POLD3: variants seen among roughly 807,000 people sequenced by gnomAD.
POLD3 encodes the protein DNA polymerase delta subunit 3.
POLD3 carries 19 observed loss-of-function variants against 58.2 expected under a neutral mutation model. The ratio of observed to expected loss-of-function variants is 0.33; its 90% CI spans 0.23 to 0.48. The LOEUF (loss-of-function observed/expected upper bound fraction) is 0.48, where lower values mean the gene tolerates loss of function less well. Ranked by LOEUF, POLD3 falls within the 20% of genes least tolerant of loss-of-function variation. POLD3 has a pLI of 0.99. For synonymous variants in POLD3, 172 were observed against 193.5 expected (o/e 0.89, Z 0.92); for missense variants, 504 against 545.5 (o/e 0.92, Z 0.76).
At chr11:74,638,038 A>G (rs918341835) in intron 11 of POLD3, among the ~76,000 whole-genome samples, 8 of 152,076 alleles carry the variant, frequency 5.3e-5, no homozygotes, top group Non-Finnish European at 1.0e-4. Context: ...GGCCCCTGAG[A>G]TAAGTTTGGA....
chr11:74,631,134 C>A (rs1434371034), intron 9 of POLD3, among the ~76,000 whole-genome samples: 1 of 152,154 alleles, frequency 6.6e-6, no homozygotes, highest in Non-Finnish European at 1.5e-5. Flanking sequence ...TATTTTCAAC[C>A]TTTACACAGT....
At chr11:74,640,218 A>G (rs1406848236) in intron 11 of POLD3, among the ~76,000 whole-genome samples, 5 of 152,214 alleles carry the variant, frequency 3.3e-5, no homozygotes, top group African/African-American at 9.6e-5. Flanking sequence ...GATATAGACA[A>G]TTCGGATATA....
At chr11:74,618,870 G>GTTTCAAACTC in intron 6 of POLD3, 66 bp downstream of exon 6, 1 of 1,314,446 alleles carries the variant, frequency 7.6e-7, no homozygotes, top group Non-Finnish European at 1.1e-6. Context: ...AGCATTAATG[G>GTTTCAAACTC]TTGCAGTGGT....
chr11:74,607,853 C>G (rs2031751000), intron 3 of POLD3, among the ~76,000 whole-genome samples: 1 of 152,028 alleles, frequency 6.6e-6, no homozygotes, highest in Non-Finnish European at 1.5e-5. Flanking sequence ...CCTTCTCGGC[C>G]TTTCAAAGTG....
At chr11:74,620,586 C>T (rs1385343254) in intron 7 of POLD3, among the ~76,000 whole-genome samples, 1 of 151,902 alleles carries the variant, frequency 6.6e-6, no homozygotes, top group Non-Finnish European at 1.5e-5. Flanking sequence ...TTAGAAGGGC[C>T]CAAGTAGTAA....
At chr11:74,623,282 A>C (rs934582180) in intron 7 of POLD3, among the ~76,000 whole-genome samples, 1 of 152,100 alleles carries the variant, frequency 6.6e-6, no homozygotes, top group Non-Finnish European at 1.5e-5. Context: ...AAAAATACAA[A>C]AAATTAGCTG....
At chr11:74,601,803 G>A (rs2031509659) in intron 2 of POLD3, among the ~76,000 whole-genome samples, 1 of 152,100 alleles carries the variant, frequency 6.6e-6, no homozygotes. Context: ...ATGTGCCCTG[G>A]TGACCTGATG....
At chr11:74,630,050 AT>A (rs2032545994) in intron 9 of POLD3, among the ~76,000 whole-genome samples, 1 of 152,208 alleles carries the variant, frequency 6.6e-6, no homozygotes, top group African/African-American at 2.4e-5. Context: ...TCATGGCATA[AT>A]GGGTATAAAA....
chr11:74,634,464 T>C (rs749936731), intron 9 of POLD3, 119 bp from the exon 10 acceptor site: 6 of 621,382 alleles, frequency 9.7e-6, no homozygotes, highest in African/African-American at 3.7e-5. Context: ...TTGGTTGTCA[T>C]GAATTACTGC....
intron 7 of POLD3, among the ~76,000 whole-genome samples, chr11:74,621,079 TTATTG>T (rs1244076997): frequency 2.0e-5 from 3 of 152,122 alleles, no homozygotes; most frequent in Non-Finnish European, 4.4e-5. Context: ...CTCGGAAGCA[TTATTG>T]TATTACTGCA....
At chr11:74,600,613 G>A (rs1331221059) in intron 2 of POLD3, among the ~76,000 whole-genome samples, 2 of 151,206 alleles carry the variant, frequency 1.3e-5, no homozygotes, top group African/African-American at 2.4e-5. Flanking sequence ...CCAGCCTGGC[G>A]ACAGAGCGAT....
intron 4 of POLD3, among the ~76,000 whole-genome samples, chr11:74,660,175 G>A (rs898274979): frequency 9.2e-5 from 14 of 152,112 alleles, no homozygotes; most frequent in African/African-American, 1.4e-4. Flanking sequence ...ATCAGATCTC[G>A]TGAGACTTAC....
At position 74,593,025 on chromosome 11, in the gene POLD3, C is replaced by T. The variant is rs2031092406; in HGVS notation, c.60+307C>T. 5.7e-6 allele frequency: 7 copies of T among 1,221,048 alleles called. No homozygotes were observed. In the African/African-American group the frequency reaches 7.6e-5, roughly 13 times the overall value. The allele number at this position is 1,221,048 out of a possible 1,614,324, so 75.6% of individuals were successfully genotyped here. On this transcript the variant is annotated intron_variant, in intron 1 of 11. Coordinates refer to ENST00000263681, the MANE Select transcript of POLD3 (RefSeq NM_006591.3). ...CTGAGAGTTCTAAGGCGTCCCTACA[C>T]CTTTCTTTTAAGGTGGTTGGCGTTT...
intron 5 of POLD3, among the ~76,000 whole-genome samples, chr11:74,617,134 A>G (rs1275017436): frequency 7.0e-6 from 1 of 143,026 alleles, no homozygotes; most frequent in African/African-American, 2.7e-5. Context: ...TTTAAGTACA[A>G]TCCTTTGAGA....
In POLD3 at chr11:74,593,740, C is replaced by T. The variant is rs1415279491; in HGVS notation, c.61-321C>T. 2.6e-5 allele frequency among the ~76,000 whole-genome samples: 4 copies of T among 151,800 alleles called. No homozygotes were observed. The East Asian group carries it at 7.7e-4, about 29-fold the overall frequency. On this transcript the variant is annotated intron_variant, in intron 1 of 11. Coordinates refer to ENST00000263681, the MANE Select transcript of POLD3 (RefSeq NM_006591.3). Reference sequence around the variant, plus strand: ...TTTTAGGATGGCTTTGGCTGGTGGCCCCCAAAAAAAACATCATGAGGAAAG... The same window carrying T: ...TTTTAGGATGGCTTTGGCTGGTGGCTCCCAAAAAAAACATCATGAGGAAAG...
At chr11:74,621,229 G>A (rs543778205) in intron 7 of POLD3, among the ~76,000 whole-genome samples, 13 of 152,244 alleles carry the variant, frequency 8.5e-5, no homozygotes, top group African/African-American at 3.1e-4. Context: ...ATGAGCAAGC[G>A]TTATTATGCC....
chr11:74,593,654 G>A (rs1421101981), intron 1 of POLD3, among the ~76,000 whole-genome samples: 1 of 152,118 alleles, frequency 6.6e-6, no homozygotes, highest in East Asian at 1.9e-4. Context: ...TTGCATGGGT[G>A]CAACTTTCTT....
chr11:74,657,671 G>C (rs7103197), intron 4 of POLD3, among the ~76,000 whole-genome samples: 82,846 of 151,986 alleles, frequency 0.55, 23,101 homozygotes, highest in Non-Finnish European at 0.61. Flanking sequence ...TTCTGCTTAA[G>C]AGTAGATTAT....
chr11:74,595,648 ACT>A (rs1186345117), intron 2 of POLD3: 1 of 152,206 alleles, frequency 6.6e-6, no homozygotes. Flanking sequence ...ACAGGATGTC[ACT>A]CTGTTGCCCA....
Sources: gnomAD v4.1 joint callset for allele counts (sites outside exome capture counted in the v4.1 genomes callset) on GRCh38, gnomAD v4.1.1 for gene constraint, MANE v1.5 for transcripts, NCBI Gene and HGNC (gene_info 2026-07-23, HGNC 2026-07-21) for gene names.